The following PRRC1 variants were observed in gnomAD, a reference collection of about 807,000 sequenced individuals.
PRRC1 encodes proline rich coiled-coil 1.
Under a neutral mutation model 40.7 loss-of-function variants are expected in PRRC1, and 39 were observed. The observed-to-expected ratio is 0.96, with a 90% CI of 0.74 to 1.25. The LOEUF (loss-of-function observed/expected upper bound fraction) is 1.25. Among genes scored for constraint, PRRC1 ranks in the 50% most tolerant of loss-of-function variants. The pLI is 0.00. For synonymous variants in PRRC1, 175 were observed against 193.3 expected (o/e 0.91, Z 0.79); for missense variants, 573 against 548.3 (o/e 1.05, Z -0.45).
chr5:127,543,792 T>A (rs1768126841), intron 7 of PRRC1, among the ~76,000 whole-genome samples: 1 of 152,218 alleles, frequency 6.6e-6, no homozygotes, highest in Non-Finnish European at 1.5e-5. Flanking sequence ...TTTTCAAAGT[T>A]TTCAACTTCT....
intron 2 of PRRC1, 49 bp from the exon 3 acceptor site, chr5:127,524,479 AAAT>A (rs1767547730): frequency 6.6e-7 from 1 of 1,515,716 alleles, no homozygotes; most frequent in Admixed American, 2.2e-5. Context: ...TTTGAAAACT[AAAT>A]AAAAAACATT....
At chr5:127,521,810 A>G (rs1366385570) in intron 1 of PRRC1, among the ~76,000 whole-genome samples, 2 of 152,014 alleles carry the variant, frequency 1.3e-5, no homozygotes, top group Non-Finnish European at 2.9e-5. Context: ...TATATTTGCT[A>G]TATATTCACT....
chr5:127,526,248 A>G (rs1028987712), intron 3 of PRRC1, among the ~76,000 whole-genome samples: 5 of 152,226 alleles, frequency 3.3e-5, no homozygotes, highest in African/African-American at 9.6e-5. Flanking sequence ...CATGAAGTAT[A>G]TAGAGTATGT....
chr5:127,552,572 C>G lies in PRRC1; in HGVS notation c.*656C>G. 1.0e-6 allele frequency: 1 copy of G among 985,350 alleles called. No individual in the cohort carries two copies. Among genetic ancestry groups the G allele is most frequent in the Non-Finnish European group, 1.2e-6 (1 of 829,444 alleles). The allele number at this position is 985,350 out of a possible 1,614,324, so 61.0% of individuals were successfully genotyped here. ...TTTAAACATAACTTTTGGCATTTCC[C>G]AGATTTATACTATGAACATTGGGGT... On this transcript the variant is annotated 3_prime_UTR_variant, in exon 9 of 9. Transcript: ENST00000296666.
At chr5:127,547,069 T>A (rs990581969) in intron 7 of PRRC1, among the ~76,000 whole-genome samples, 1 of 152,138 alleles carries the variant, frequency 6.6e-6, no homozygotes, top group Non-Finnish European at 1.5e-5. Flanking sequence ...TAGATTTACA[T>A]TAAAAAATAG....
In PRRC1 at chr5:127,552,778, A is replaced by AT; in HGVS notation, c.*867dup. 1 of 985,302 alleles carries AT rather than the reference A, an allele frequency of 1.0e-6. No homozygotes were observed. Among genetic ancestry groups the AT allele is most frequent in the Non-Finnish European group, 1.2e-6 (1 of 829,466 alleles). The allele number at this position is 985,302 out of a possible 1,614,324, so 61.0% of individuals were successfully genotyped here. On this transcript the variant is annotated 3_prime_UTR_variant, in exon 9 of 9. Coordinates refer to ENST00000296666, the MANE Select transcript of PRRC1 (RefSeq NM_130809.5). Reference sequence around the variant, plus strand: ...ATTCTCTACACATTTTAATACAGAAATTTTTGAGAGGGGGTTACTTTATTG... The same window carrying AT: ...ATTCTCTACACATTTTAATACAGAAATTTTTTGAGAGGGGGTTACTTTATTG...
Position 127,553,543 on chromosome 5 carries a change from A to G in PRRC1, c.*1627A>G. The G allele has an allele frequency of 8.3e-7, 1 of 1,204,576 alleles. No homozygotes were observed. The highest frequency in any genetic ancestry group is 1.6e-5 in the African/African-American group (1 of 62,370). 74.6% of individuals were successfully genotyped at this position (1,204,576 alleles called of 1,614,324 possible). On this transcript the variant is annotated 3_prime_UTR_variant, in exon 9 of 9. Coordinates refer to ENST00000296666, the MANE Select transcript of PRRC1 (RefSeq NM_130809.5). ...ACCATTTGCGTCTACACTTTATTTT[A>G]AAAGCTATCCTTTTCTAGTAGTATT...
rs115389551 is a variant in PRRC1, at chr5:127,520,733, G to A, written c.-20-2727G>A. Among the ~76,000 whole-genome samples, 772 of 152,236 alleles carry A rather than the reference G, an allele frequency of 5.1e-3. 9 individuals carry two copies. The highest frequency in any genetic ancestry group is 9.3e-3 in the Non-Finnish European group (631 of 68,018). ...GGTTCTATGTCCTGGTCGAGGTGGT[G>A]GTTATACGAGATTGTGCATATGATG... On this transcript the variant is annotated intron_variant, in intron 1 of 8. Coordinates refer to ENST00000296666, the MANE Select transcript of PRRC1 (RefSeq NM_130809.5).
At chr5:127,548,139 T>C (rs1254967668) in intron 8 of PRRC1, 5 of 604,574 alleles carry the variant, frequency 8.3e-6, no homozygotes, top group African/African-American at 3.7e-5. Flanking sequence ...TGAAAGGTAA[T>C]ACATTACATG....
intron 1 of PRRC1, among the ~76,000 whole-genome samples, chr5:127,521,227 G>A (rs952804014): frequency 2.6e-5 from 4 of 152,010 alleles, no homozygotes; most frequent in African/African-American, 9.7e-5. Flanking sequence ...TCCCCTTCTA[G>A]CCTCTATCAA....
At chr5:127,518,060 A>C (rs1395111746) in intron 1 of PRRC1, 1 of 152,448 alleles carries the variant, frequency 6.6e-6, no homozygotes, top group Non-Finnish European at 1.5e-5. Flanking sequence ...GCCCCGCGAC[A>C]CTTTGCTCCT....
rs1768459579 is a variant in PRRC1 at position 127,553,949 on chromosome 5, A to C, written c.*2033A>C. 4 of 1,526,984 alleles carry C rather than the reference A, an allele frequency of 2.6e-6. No individual in the cohort carries two copies. The Admixed American group carries it at 8.0e-5, about 30-fold the overall frequency. The allele number at this position is 1,526,984 out of a possible 1,614,324, so 94.6% of individuals were successfully genotyped here. ...GAGAGATGGTCAGATGGAAGAGAGA[A>C]ATACATGAACTGCTCTGGCCTCTCT... is the stretch of plus-strand genomic sequence containing the variant. On this transcript the variant is annotated 3_prime_UTR_variant, in exon 9 of 9. Coordinates refer to ENST00000296666, the MANE Select transcript of PRRC1 (RefSeq NM_130809.5).
chr5:127,547,786 A>G (rs2127117087), intron 7 of PRRC1, 33 bp from the exon 8 acceptor site: 3 of 1,461,150 alleles, frequency 2.1e-6, no homozygotes, highest in Non-Finnish European at 1.9e-6. Flanking sequence ...TATTTGGCAT[A>G]TAAACCATTT....
chr5:127,523,414 C>T, intron 1 of PRRC1, 46 bp from the exon 2 acceptor site: 1 of 858,454 alleles, frequency 1.2e-6, no homozygotes. Flanking sequence ...TAAAAATATA[C>T]TTTTGGTTAC....
intron 6 of PRRC1, 165 bp downstream of exon 6, chr5:127,533,951 A>C: frequency 2.7e-6 from 2 of 736,686 alleles, no homozygotes; most frequent in Non-Finnish European, 4.7e-6. Context: ...GATATAGTGG[A>C]GTTTTAATTT....
Position 127,553,754 on chromosome 5 carries a change from G to T in PRRC1, c.*1838G>T. ...GTCACAAATGTCTTTTTGATGTTTTGAGAATTGTTCTCATAGAATCACAAA... is the reference window on the plus strand; with the variant it reads ...GTCACAAATGTCTTTTTGATGTTTTTAGAATTGTTCTCATAGAATCACAAA... On this transcript the variant is annotated 3_prime_UTR_variant, in exon 9 of 9. Transcript: ENST00000296666. 1 of 1,520,870 alleles carries T rather than the reference G, an allele frequency of 6.6e-7. No individual in the cohort carries two copies. Among genetic ancestry groups the T allele is most frequent in the Non-Finnish European group, 8.8e-7 (1 of 1,141,852 alleles). The allele number at this position is 1,520,870 out of a possible 1,614,324, so 94.2% of individuals were successfully genotyped here. A position where few individuals can be genotyped will look rare whatever the true frequency, so the allele number is the denominator to read the frequency against.
At chr5:127,538,123 T>A (rs575220060) in intron 6 of PRRC1, among the ~76,000 whole-genome samples, 1 of 152,144 alleles carries the variant, frequency 6.6e-6, no homozygotes, top group Non-Finnish European at 1.5e-5. Context: ...TCTTCATCTT[T>A]ACAAGCTAGT....
chr5:127,522,520 T>G (rs900898180), intron 1 of PRRC1, among the ~76,000 whole-genome samples: 2 of 152,018 alleles, frequency 1.3e-5, no homozygotes, highest in African/African-American at 4.8e-5. Context: ...CATCCTGAGT[T>G]GCTGGGACCA....
intron 5 of PRRC1, among the ~76,000 whole-genome samples, chr5:127,531,483 G>A (rs1332097984): frequency 3.3e-5 from 5 of 151,688 alleles, no homozygotes; most frequent in African/African-American, 1.2e-4. Flanking sequence ...TTGAATGAAG[G>A]AAAAAAAGGA....
Sources: allele counts gnomAD v4.1 joint callset (sites outside exome capture counted in the v4.1 genomes callset), GRCh38; gene constraint gnomAD v4.1.1; transcripts MANE v1.5; gene names NCBI Gene and HGNC (gene_info 2026-07-23, HGNC 2026-07-21).